Variants in CCSAP observed in about 807,000 individuals in gnomAD.
The protein encoded by CCSAP is centriole, cilia and spindle associated protein.
In CCSAP, 17 loss-of-function variants were observed where a neutral mutation model predicts 25.9. That is an observed-to-expected ratio of 0.66 (90% CI 0.45 to 0.99). The LOEUF is 0.99. Among genes scored for constraint, CCSAP ranks in the 50% least tolerant of loss-of-function variants. The pLI, the probability that CCSAP is intolerant of heterozygous loss-of-function variation, is 0.00. For missense variants in CCSAP, 339 were observed against 367.8 expected (o/e 0.92, Z 0.64); for synonymous variants, 169 against 157.1 (o/e 1.08, Z -0.57).
At chr1:229,330,402 C>T (rs915084777) in intron 2 of CCSAP, among the ~76,000 whole-genome samples, 21 of 152,158 alleles carry the variant, frequency 1.4e-4, no homozygotes, top group East Asian at 7.7e-4. Flanking sequence ...AACACAGAGC[C>T]GGAAGACAGG....
At chr1:229,337,597 A>C in intron 2 of CCSAP, among the ~76,000 whole-genome samples, 1 of 148,418 alleles carries the variant, frequency 6.7e-6, no homozygotes, top group African/African-American at 2.5e-5. Context: ...GGGAAATAAT[A>C]AAGAAAGCCC....
At chr1:229,339,095 GAAAAA>G (rs11328051) in intron 2 of CCSAP, among the ~76,000 whole-genome samples, 5 of 134,754 alleles carry the variant, frequency 3.7e-5, no homozygotes, top group African/African-American at 1.4e-4. Context: ...AAAGAAATGG[GAAAAA>G]AAAAAAAAAC....
rs1390610898 is a variant in CCSAP at position 229,324,613 on chromosome 1, C to T, written c.*622G>A. On this transcript the variant is annotated 3_prime_UTR_variant, in exon 4 of 4. Transcript: ENST00000284617. ...AAGAGAAAAAGAGACCCTCGCCCAG[C>T]CCAGATAATTCTTAAATATCACAAT... 2 of 152,542 alleles carry T rather than the reference C, an allele frequency of 1.3e-5. No individual in the cohort carries two copies. Among genetic ancestry groups the T allele is most frequent in the African/African-American group, 4.8e-5 (2 of 41,404 alleles). The allele number at this position is 152,542 out of a possible 1,614,324, so 9.4% of individuals were successfully genotyped here.
rs1234800471 is a variant in CCSAP at position 229,324,555 on chromosome 1, C to G, written c.*680G>C. ...ATTGGAATGTACTTGAGCTATTAAACTATTAAATAATAACTGCCTAGATGA... is the reference window on the plus strand; with the variant it reads ...ATTGGAATGTACTTGAGCTATTAAAGTATTAAATAATAACTGCCTAGATGA... On this transcript the variant is annotated 3_prime_UTR_variant, in exon 4 of 4. Coordinates refer to ENST00000284617, the MANE Select transcript of CCSAP (RefSeq NM_145257.5). The G allele has an allele frequency of 1.3e-5, 2 of 152,482 alleles. No homozygotes were observed. Among genetic ancestry groups the G allele is most frequent in the East Asian group, 3.8e-4 (2 of 5,198 alleles). 9.4% of individuals were successfully genotyped at this position (152,482 alleles called of 1,614,324 possible).
At chr1:229,340,392 A>AAAATAC (rs1658303308) in intron 2 of CCSAP, 1 of 716,600 alleles carries the variant, frequency 1.4e-6, no homozygotes, top group Non-Finnish European at 2.6e-6. Flanking sequence ...TCATGAACTC[A>AAAATAC]GAGCTTACCT....
Position 229,337,678 on chromosome 1 carries a change from A to AAAAATATATAT in CCSAP, c.367+4420_367+4421insATATATATTTT. On this transcript the variant is annotated intron_variant, in intron 2 of 3. Coordinates refer to ENST00000284617, the MANE Select transcript of CCSAP (RefSeq NM_145257.5). ...GAACAAGATCAAAGGCTCAAAAAAA[A>AAAAATATATAT]ATATATATATATATATATATACACA... 2.3e-3 allele frequency among the ~76,000 whole-genome samples: 149 copies of AAAAATATATAT among 65,500 alleles called. 4 individuals are homozygous for AAAAATATATAT. Among genetic ancestry groups the AAAAATATATAT allele is most frequent in the Middle Eastern group, 6.3e-3 (1 of 160 alleles). The allele number at this position is 65,500 out of a possible 152,430, so 43.0% of individuals were successfully genotyped here.
At chr1:229,339,936 T>C (rs1365880955) in intron 2 of CCSAP, among the ~76,000 whole-genome samples, 1 of 151,656 alleles carries the variant, frequency 6.6e-6, no homozygotes, top group African/African-American at 2.4e-5. Context: ...TTAAAGTCAA[T>C]AGATAATGTT....
intron 2 of CCSAP, among the ~76,000 whole-genome samples, chr1:229,338,560 C>T (rs887546723): frequency 1.3e-5 from 2 of 151,850 alleles, no homozygotes; most frequent in African/African-American, 2.4e-5. Flanking sequence ...CACACACACA[C>T]ACACACACAC....
chr1:229,342,252 G>C lies in CCSAP; in HGVS notation c.214C>G (p.Pro72Ala). The change falls in exon 2 of 4, where the codon CCC becomes GCC. Residue 72 changes from proline to alanine, a missense_variant. Transcript: ENST00000284617. The surrounding 1 kb of genome is among the most constrained non-coding windows in gnomAD (Gnocchi z 7.5). Reference protein sequence around the residue: ...ASSESSGAGGPAPRCAPPSPP... With the variant: ...ASSESSGAGGAAPRCAPPSPP... ...GAGGGCGGGGCGCACCGGGGTGCGG[G>C]GCCCCCGGCGCCCGACGACTCTGAC... is the stretch of plus-strand genomic sequence containing the variant. 1 of 1,279,994 alleles carries C rather than the reference G, an allele frequency of 7.8e-7. No homozygotes were observed. Among genetic ancestry groups the C allele is most frequent in the South Asian group, 2.6e-5 (1 of 38,106 alleles). 79.3% of individuals were successfully genotyped at this position (1,279,994 alleles called of 1,614,324 possible).
At chr1:229,332,384 CT>C (rs1558250669) in intron 2 of CCSAP, among the ~76,000 whole-genome samples, 2 of 151,776 alleles carry the variant, frequency 1.3e-5, no homozygotes, top group Non-Finnish European at 1.5e-5. Flanking sequence ...GAACTGATTG[CT>C]TGTTTGCTGG....
chr1:229,332,492 A>G (rs912794379), intron 2 of CCSAP, among the ~76,000 whole-genome samples: 3 of 152,230 alleles, frequency 2.0e-5, no homozygotes, highest in African/African-American at 7.2e-5. Flanking sequence ...GTTTTTTCCA[A>G]ACAATAAGTG....
rs577462535 is a variant in CCSAP at position 229,331,738 on chromosome 1, C to T, written c.368-4732G>A. Among the ~76,000 whole-genome samples the T allele has an allele frequency of 1.2e-3, 178 of 151,784 alleles. 1 individual carries two copies. The highest frequency in any genetic ancestry group is 4.1e-3 in the African/African-American group (171 of 41,414). On this transcript the variant is annotated intron_variant, in intron 2 of 3. Coordinates refer to ENST00000284617, the MANE Select transcript of CCSAP (RefSeq NM_145257.5). ...GCATGGAAGCTTCTCACCCCTTTCC[C>T]CATATCTCACCCTGTTCATCTCTTC...
chr1:229,332,382 T>A (rs1658090068), intron 2 of CCSAP, among the ~76,000 whole-genome samples: 1 of 151,842 alleles, frequency 6.6e-6, no homozygotes, highest in African/African-American at 2.4e-5. Context: ...CGGAACTGAT[T>A]GCTTGTTTGC....
intron 2 of CCSAP, among the ~76,000 whole-genome samples, chr1:229,337,678 A>AAAAAAAAAAAAAAAT: frequency 4.4e-4 from 29 of 65,496 alleles, no homozygotes; most frequent in African/African-American, 1.0e-3. Flanking sequence ...CTCAAAAAAA[A>AAAAAAAAAAAAAAAT]ATATATATAT....
chr1:229,330,473 A>C (rs1658041078), intron 2 of CCSAP, among the ~76,000 whole-genome samples: 1 of 152,222 alleles, frequency 6.6e-6, no homozygotes, highest in Non-Finnish European at 1.5e-5. Context: ...GGAGAACCCG[A>C]GATGGGAGCA....
chr1:229,337,670 C>CAAAAAA (rs539736168), intron 2 of CCSAP, among the ~76,000 whole-genome samples: 12 of 56,034 alleles, frequency 2.1e-4, no homozygotes, highest in African/African-American at 6.7e-4. Context: ...ATCAAAGGCT[C>CAAAAAA]AAAAAAAAAT....
intron 2 of CCSAP, among the ~76,000 whole-genome samples, chr1:229,337,675 A>AT: frequency 1.5e-5 from 1 of 67,284 alleles, no homozygotes; most frequent in African/African-American, 5.6e-5. Flanking sequence ...AGGCTCAAAA[A>AT]AAAATATATA....
At position 229,342,411 on chromosome 1, in the gene CCSAP, G is replaced by T. The variant is rs1658360256; in HGVS notation, c.55C>A (p.Arg19Ser). The T allele has an allele frequency of 1.4e-6, 2 of 1,455,642 alleles. No homozygotes were observed. The allele number at this position is 1,455,642 out of a possible 1,614,324, so 90.2% of individuals were successfully genotyped here. ...TAGCACGGCCCGTACTCCTCCCAGCGCGGCTCCTGGTAGCGCTTCATGTAC... is the reference window on the plus strand; with the variant it reads ...TAGCACGGCCCGTACTCCTCCCAGCTCGGCTCCTGGTAGCGCTTCATGTAC... ...SEYMKRYQEP[R>S]WEEYGPCYRE... The change falls in exon 2 of 4, where the codon CGC (arginine) becomes AGC (serine). Residue 19 changes from arginine to serine, a missense_variant. Arg to Ser is a moderately radical substitution (Grantham distance 110). Coordinates refer to ENST00000284617, the MANE Select transcript of CCSAP (RefSeq NM_145257.5). The surrounding 1 kb of genome is among the most constrained non-coding windows in gnomAD (Gnocchi z 7.5).
At chr1:229,335,282 G>T (rs1291328233) in intron 2 of CCSAP, among the ~76,000 whole-genome samples, 1 of 152,066 alleles carries the variant, frequency 6.6e-6, no homozygotes, top group African/African-American at 2.4e-5. Context: ...TCATGCCATT[G>T]CACTCTAGCC....
Sources: allele counts gnomAD v4.1 joint callset (sites outside exome capture counted in the v4.1 genomes callset), GRCh38; gene constraint gnomAD v4.1.1; non-coding constraint Gnocchi (gnomAD v3.1); transcripts MANE v1.5; gene names NCBI Gene and HGNC (gene_info 2026-07-23, HGNC 2026-07-21).